Variants in AGBL1 observed in about 807,000 individuals in gnomAD.
The protein encoded by AGBL1 is cytosolic carboxypeptidase 4.
Under a neutral mutation model 118.9 loss-of-function variants are expected in AGBL1, and 130 were observed. The observed-to-expected ratio is 1.09, with a 90% confidence interval of 0.95 to 1.26. The LOEUF is 1.26. Ranked by LOEUF, AGBL1 falls within the 50% of genes most tolerant of loss-of-function variation. The probability of loss-of-function intolerance (pLI) is 0.00; values close to 1 mark genes in which losing one functional copy is unlikely to be tolerated. For missense variants in AGBL1, 1,584 were observed against 1,298.1 expected, an observed-to-expected ratio of 1.22 and a Z score of -3.38; for synonymous variants, 555 against 478.9, an observed-to-expected ratio of 1.16 and a Z score of -2.08.
intron 17 of AGBL1, among the ~76,000 whole-genome samples, chr15:86,301,166 A>T (rs966785115): frequency 5.3e-5 from 8 of 151,958 alleles, no homozygotes; most frequent in Admixed American, 5.3e-4. Context: ...CAAAACTCTC[A>T]CTCTGGACAT....
chr15:86,827,310 TATATATACAC>T (rs1567194222), intron 22 of AGBL1, among the ~76,000 whole-genome samples: 9 of 13,696 alleles, frequency 6.6e-4, no homozygotes, highest in African/African-American at 4.4e-3. Flanking sequence ...TATGTATATA[TATATATACAC>T]ACACATATAT....
At chr15:86,673,435 C>T (rs2085781208) in intron 21 of AGBL1, among the ~76,000 whole-genome samples, 1 of 152,178 alleles carries the variant, frequency 6.6e-6, no homozygotes, top group South Asian at 2.1e-4. Context: ...CTTCTAGTCG[C>T]TATACAGCTT....
Position 86,501,776 on chromosome 15 carries a change from T to C in AGBL1, c.2556-21034T>C, listed in dbSNP as rs180854099. 4.0e-5 allele frequency among the ~76,000 whole-genome samples: 6 copies of C among 151,768 alleles called. No individual in the cohort carries two copies. In the East Asian group the frequency reaches 9.7e-4, roughly 25 times the overall value. On this transcript the variant is annotated intron_variant, in intron 18 of 22. Coordinates refer to ENST00000614907, the MANE Select transcript of AGBL1 (RefSeq NM_001386094.1). ...GATCAATAATATATGGGTTTATTTCTGGACTCTCACTTCTGTTTCCATTGA... is the reference window on the plus strand; with the variant it reads ...GATCAATAATATATGGGTTTATTTCCGGACTCTCACTTCTGTTTCCATTGA...
intron 18 of AGBL1, among the ~76,000 whole-genome samples, chr15:86,473,036 A>G (rs2082500913): frequency 1.3e-5 from 2 of 152,240 alleles, no homozygotes; most frequent in Non-Finnish European, 2.9e-5. Context: ...TATAACTACA[A>G]TAGTATATAT....
chr15:86,357,402 G>A (rs563610856), intron 17 of AGBL1, among the ~76,000 whole-genome samples: 2 of 152,300 alleles, frequency 1.3e-5, no homozygotes, highest in African/African-American at 4.8e-5. Flanking sequence ...CAACATTGGA[G>A]TGGGCTTGTG....
intron 17 of AGBL1, among the ~76,000 whole-genome samples, chr15:86,307,183 A>G (rs970917932): frequency 2.0e-4 from 31 of 152,306 alleles, no homozygotes; most frequent in African/African-American, 7.0e-4. Flanking sequence ...CAGGTGGTCC[A>G]TATTTTAAAA....
At chr15:86,592,522 G>T (rs1335273324) in intron 21 of AGBL1, among the ~76,000 whole-genome samples, 1 of 152,178 alleles carries the variant, frequency 6.6e-6, no homozygotes, top group Non-Finnish European at 1.5e-5. Context: ...TTTCCCTTGG[G>T]GTGCACTGTG....
At chr15:86,425,330 G>A (rs2081853726) in intron 18 of AGBL1, among the ~76,000 whole-genome samples, 1 of 151,410 alleles carries the variant, frequency 6.6e-6, no homozygotes, top group Non-Finnish European at 1.5e-5. Flanking sequence ...ATAAGTGGGA[G>A]TTGAGCCATG....
intron 22 of AGBL1, among the ~76,000 whole-genome samples, chr15:86,736,311 C>T (rs370727726): frequency 1.4e-4 from 21 of 151,490 alleles, no homozygotes; most frequent in Admixed American, 6.6e-4. Context: ...ACCCGGGAGG[C>T]GGAGGTTGCA....
intron 17 of AGBL1, among the ~76,000 whole-genome samples, chr15:86,360,649 C>T (rs998132562): frequency 6.6e-6 from 1 of 151,964 alleles, no homozygotes; most frequent in African/African-American, 2.4e-5. Flanking sequence ...TAGAATTCAA[C>T]TCTGAAGGCT....
chr15:86,417,101 T>C (rs139666342), intron 18 of AGBL1, among the ~76,000 whole-genome samples: 1 of 152,324 alleles, frequency 6.6e-6, no homozygotes, highest in Non-Finnish European at 1.5e-5. Context: ...ATAGCATTCA[T>C]CACATGTGGC....
chr15:86,940,029 G>T (rs1211101010), intron 23 of AGBL1, among the ~76,000 whole-genome samples: 1 of 135,130 alleles, frequency 7.4e-6, no homozygotes, highest in Non-Finnish European at 1.6e-5. Flanking sequence ...CTACAGGCAT[G>T]TGTCAACAAA....
At chr15:86,097,382 C>T (rs1413634145) in intron 1 of AGBL1, among the ~76,000 whole-genome samples, 5 of 152,052 alleles carry the variant, frequency 3.3e-5, no homozygotes, top group African/African-American at 9.7e-5. Context: ...CTGTAGTCAT[C>T]CCACTCTCCT....
intron 18 of AGBL1, among the ~76,000 whole-genome samples, chr15:86,401,033 C>G (rs1334753869): frequency 6.6e-6 from 1 of 152,134 alleles, no homozygotes; most frequent in Non-Finnish European, 1.5e-5. Context: ...TAAGGAATCT[C>G]CATACTGTTC....
At chr15:86,199,917 G>T (rs1395840930) in intron 5 of AGBL1, among the ~76,000 whole-genome samples, 1 of 152,148 alleles carries the variant, frequency 6.6e-6, no homozygotes, top group Admixed American at 6.5e-5. Context: ...CTATTAATGG[G>T]GTTGTGAAGA....
chr15:86,335,162 G>A (rs2141870574), intron 17 of AGBL1, among the ~76,000 whole-genome samples: 1 of 151,624 alleles, frequency 6.6e-6, no homozygotes, highest in African/African-American at 2.4e-5. Context: ...TTTTGAGACG[G>A]AGTTTCGCTC....
intron 5 of AGBL1, among the ~76,000 whole-genome samples, chr15:86,181,129 C>A (rs983401505): frequency 6.6e-6 from 1 of 152,018 alleles, no homozygotes; most frequent in Non-Finnish European, 1.5e-5. Flanking sequence ...TAAACACACA[C>A]CTATCATATT....
At chr15:86,949,096 A>G (rs755806648) in intron 23 of AGBL1, among the ~76,000 whole-genome samples, 11 of 152,236 alleles carry the variant, frequency 7.2e-5, no homozygotes, top group Non-Finnish European at 1.3e-4. Flanking sequence ...AAGTTCCAAC[A>G]GGAGATAATT....
chr15:86,749,580 T>A (rs954232898), intron 22 of AGBL1, among the ~76,000 whole-genome samples: 8 of 152,190 alleles, frequency 5.3e-5, no homozygotes, highest in Non-Finnish European at 1.0e-4. Context: ...GGCATCCCTG[T>A]CTTGTGCCAG....
Sources: gnomAD v4.1 joint callset for allele counts (sites outside exome capture counted in the v4.1 genomes callset) on GRCh38, gnomAD v4.1.1 for gene constraint, MANE v1.5 for transcripts, NCBI Gene and HGNC (gene_info 2026-07-23, HGNC 2026-07-21) for gene names.